Variants in TNFRSF19 observed in about 807,000 individuals in gnomAD.
TNFRSF19 encodes TNF receptor superfamily member 19, also known as tumor necrosis factor receptor superfamily member 19.
Under a neutral mutation model 46.4 loss-of-function variants are expected in TNFRSF19, and 27 were observed. The observed-to-expected ratio is 0.58, with a 90% CI of 0.43 to 0.80. The LOEUF (loss-of-function observed/expected upper bound fraction) is 0.80, where lower values mean the gene tolerates loss of function less well. Among genes scored for constraint, TNFRSF19 ranks in the 30% least tolerant of loss-of-function variants. The pLI, the probability that TNFRSF19 is intolerant of heterozygous loss-of-function variation, is 0.00. For synonymous variants in TNFRSF19, 204 were observed against 205.0 expected, an observed-to-expected ratio of 1.00 and a Z score of 0.04; for missense variants, 511 against 530.8, an observed-to-expected ratio of 0.96 and a Z score of 0.37.
intron 7 of TNFRSF19, among the ~76,000 whole-genome samples, chr13:23,664,719 T>C (rs1951590927): frequency 6.6e-6 from 1 of 152,262 alleles, no homozygotes; most frequent in South Asian, 2.1e-4. Flanking sequence ...CAGCCATGCA[T>C]TGCTTCTATG....
chr13:23,617,336 G>A (rs1373264915), intron 4 of TNFRSF19, among the ~76,000 whole-genome samples: 1 of 152,194 alleles, frequency 6.6e-6, no homozygotes, highest in Non-Finnish European at 1.5e-5. Context: ...TCCAGGGAAA[G>A]GAGAGGGACC....
intron 5 of TNFRSF19, among the ~76,000 whole-genome samples, chr13:23,646,894 A>G (rs1044806385): frequency 6.6e-6 from 1 of 152,236 alleles, no homozygotes; most frequent in Non-Finnish European, 1.5e-5. Context: ...CGTTCTTACC[A>G]TAATAGTCAT....
intron 1 of TNFRSF19, among the ~76,000 whole-genome samples, chr13:23,573,428 A>G (rs1877753854): frequency 1.3e-5 from 2 of 152,322 alleles, no homozygotes; most frequent in South Asian, 4.1e-4. Flanking sequence ...TAATTTTCAC[A>G]AAAAGTTTAA....
chr13:23,601,637 A>C (rs1928116), intron 3 of TNFRSF19, among the ~76,000 whole-genome samples: 100,865 of 152,070 alleles, frequency 0.66, 34,125 homozygotes, highest in African/African-American at 0.78. Context: ...CTAATAATAG[A>C]AACAATGTAT....
At chr13:23,641,483 C>T (rs758368400) in intron 5 of TNFRSF19, among the ~76,000 whole-genome samples, 1 of 152,160 alleles carries the variant, frequency 6.6e-6, no homozygotes, top group African/African-American at 2.4e-5. Context: ...GCATATGCCA[C>T]CACATCTGGC....
chr13:23,594,137 C>T, intron 3 of TNFRSF19: 2 of 409,250 alleles, frequency 4.9e-6, no homozygotes, highest in South Asian at 3.6e-5. Flanking sequence ...GGTGCCTACA[C>T]CACTGGGGCC....
chr13:23,597,097 C>A (rs1383345765), intron 3 of TNFRSF19, among the ~76,000 whole-genome samples: 1 of 152,058 alleles, frequency 6.6e-6, no homozygotes, highest in Non-Finnish European at 1.5e-5. Context: ...GCTAAAGTAG[C>A]ATTTAGAAGG....
rs116323246 is a variant in TNFRSF19, at chr13:23,629,011, T to G, written c.445+2219T>G. ...CAGTAATTCCAGAACACAGCTAATC[T>G]CCTCAAAAGAGATTTTGGAGTCTTT... is the stretch of plus-strand genomic sequence containing the variant. On this transcript the variant is annotated intron_variant, in intron 5 of 9. Transcript: ENST00000248484. Among the ~76,000 whole-genome samples, 413 of 152,042 alleles carry G rather than the reference T, an allele frequency of 2.7e-3. 1 individual carries two copies. Among genetic ancestry groups the G allele is most frequent in the African/African-American group, 9.3e-3 (385 of 41,492 alleles).
intron 3 of TNFRSF19, among the ~76,000 whole-genome samples, chr13:23,610,987 T>C (rs1880866434): frequency 6.6e-6 from 1 of 152,106 alleles, no homozygotes; most frequent in South Asian, 2.1e-4. Flanking sequence ...CAGAAATGCA[T>C]TTCTACCATT....
intron 5 of TNFRSF19, among the ~76,000 whole-genome samples, chr13:23,646,661 G>C (rs1472567867): frequency 6.6e-6 from 1 of 152,126 alleles, no homozygotes; most frequent in East Asian, 1.9e-4. Context: ...GTATGTCTAT[G>C]CCACATTTTG....
At position 23,673,580 on chromosome 13, in the gene TNFRSF19, CAAGAA is replaced by C. The variant is rs1405034764; in HGVS notation, c.*205_*209del. ...TGTAAGCTGAAACCTCAATGAATAA[CAAGAA>C]AAGACTCCAGGCCGACTCATGATAC... On this transcript the variant is annotated 3_prime_UTR_variant, in exon 10 of 10. Coordinates refer to ENST00000248484, the MANE Select transcript of TNFRSF19 (RefSeq NM_148957.4). 9 of 1,250,684 alleles carry C rather than the reference CAAGAA, an allele frequency of 7.2e-6. No homozygotes were observed. Among genetic ancestry groups the C allele is most frequent in the Non-Finnish European group, 6.0e-6 (6 of 992,776 alleles). 77.5% of individuals were successfully genotyped at this position (1,250,684 alleles called of 1,614,324 possible).
intron 5 of TNFRSF19, among the ~76,000 whole-genome samples, chr13:23,629,578 C>A (rs929321863): frequency 6.6e-6 from 1 of 152,222 alleles, no homozygotes; most frequent in African/African-American, 2.4e-5. Context: ...ACCCACCTGC[C>A]TGCTGTGGTT....
chr13:23,654,270 A>G (rs988358091), intron 5 of TNFRSF19, among the ~76,000 whole-genome samples: 4 of 152,204 alleles, frequency 2.6e-5, no homozygotes, highest in Non-Finnish European at 5.9e-5. Flanking sequence ...GGAGCCTGGC[A>G]AGCCCAGGCG....
chr13:23,595,113 A>G (rs1034587325), intron 3 of TNFRSF19, among the ~76,000 whole-genome samples: 4 of 152,262 alleles, frequency 2.6e-5, no homozygotes, highest in South Asian at 2.1e-4. Context: ...GGTCACCAGC[A>G]TCAAAGACTA....
chr13:23,670,783 C>G lies in TNFRSF19; in HGVS notation c.1245+1686C>G, dbSNP rs78940880. Among the ~76,000 whole-genome samples, 686 of 152,330 alleles carry G rather than the reference C, an allele frequency of 4.5e-3. 8 individuals are homozygous for G. The highest frequency in any genetic ancestry group is 0.016 in the African/African-American group (651 of 41,572). Reference sequence around the variant, plus strand: ...AACCCCCCTGCTCAGCAACAGAGGGCTCAGCTGCCTCCCAGCAGCACTAAA... The same window carrying G: ...AACCCCCCTGCTCAGCAACAGAGGGGTCAGCTGCCTCCCAGCAGCACTAAA... On this transcript the variant is annotated intron_variant, in intron 9 of 9. Transcript: ENST00000248484.
chr13:23,647,760 T>C (rs1883415443), intron 5 of TNFRSF19, among the ~76,000 whole-genome samples: 1 of 152,242 alleles, frequency 6.6e-6, no homozygotes, highest in Non-Finnish European at 1.5e-5. Context: ...CTTTTAAATA[T>C]GGTGTGAAGT....
chr13:23,596,537 A>C (rs769415882), intron 3 of TNFRSF19, among the ~76,000 whole-genome samples: 1 of 152,134 alleles, frequency 6.6e-6, no homozygotes, highest in Non-Finnish European at 1.5e-5. Context: ...CAACAAGAGG[A>C]ATGGAAGGGC....
intron 5 of TNFRSF19, among the ~76,000 whole-genome samples, chr13:23,652,637 T>G (rs1045496397): frequency 6.6e-6 from 1 of 151,912 alleles, no homozygotes; most frequent in African/African-American, 2.4e-5. Context: ...AAAAACTAAG[T>G]GCATGCAAAC....
intron 5 of TNFRSF19, among the ~76,000 whole-genome samples, chr13:23,630,621 A>G (rs954794095): frequency 2.0e-5 from 3 of 152,222 alleles, no homozygotes; most frequent in African/African-American, 7.2e-5. Context: ...CACCCATTAC[A>G]TAGAAATGCC....
Sources: gnomAD v4.1 joint callset for allele counts (sites outside exome capture counted in the v4.1 genomes callset) on GRCh38, gnomAD v4.1.1 for gene constraint, MANE v1.5 for transcripts, NCBI Gene and HGNC (gene_info 2026-07-23, HGNC 2026-07-21) for gene names.